The following TEX11 variants were observed in gnomAD, a reference collection of about 807,000 sequenced individuals.
The protein encoded by TEX11 is testis expressed 11, also known as testis-expressed protein 11.
A neutral mutation model predicts 84.4 loss-of-function variants in TEX11; 7 were observed. The ratio of observed to expected loss-of-function variants is 0.08; its 90% CI spans 0.05 to 0.16. The LOEUF (loss-of-function observed/expected upper bound fraction) is 0.16, where lower values mean the gene tolerates loss of function less well. TEX11 is among the 10% of genes least tolerant of loss of function. The pLI is 1.00. For missense variants in TEX11, 551 were observed against 660.5 expected, an observed-to-expected ratio of 0.83 and a Z score of 1.82; for synonymous variants, 264 against 222.8, an observed-to-expected ratio of 1.18 and a Z score of -1.64.
chrX:70,601,612 T>G (rs1407307941), intron 24 of TEX11, among the ~76,000 whole-genome samples: 1 of 87,091 alleles, frequency 1.1e-5, no homozygotes, highest in Non-Finnish European at 2.2e-5. Flanking sequence ...CATAGGACAA[T>G]AGTGGAGGGA....
At chrX:70,643,248 C>A (rs1364223715) in intron 17 of TEX11, among the ~76,000 whole-genome samples, 1 of 105,858 alleles carries the variant, frequency 9.4e-6, no homozygotes, top group Non-Finnish European at 1.9e-5. Flanking sequence ...GAACTACAAA[C>A]CGCTGCTCAA....
chrX:70,615,098 CAA>C (rs1376176659), intron 20 of TEX11, among the ~76,000 whole-genome samples: 2 of 110,532 alleles, frequency 1.8e-5, no homozygotes, highest in Non-Finnish European at 1.9e-5. Context: ...GCCCAGAATG[CAA>C]AGACTACAAT....
chrX:70,635,868 T>G (rs1216507109), intron 17 of TEX11, among the ~76,000 whole-genome samples: 1 of 110,939 alleles, frequency 9.0e-6, no homozygotes, highest in African/African-American at 3.3e-5. Context: ...CCTGCCCCAA[T>G]ACCAGATCTG....
At chrX:70,565,123 T>G (rs1488614264) in intron 25 of TEX11, among the ~76,000 whole-genome samples, 2 of 109,958 alleles carry the variant, frequency 1.8e-5, no homozygotes, top group Admixed American at 1.9e-4. Flanking sequence ...GGTATCTCAT[T>G]GTGGTTTTGA....
intron 9 of TEX11, among the ~76,000 whole-genome samples, chrX:70,781,285 A>G (rs1393674709): frequency 3.6e-5 from 4 of 112,021 alleles, no homozygotes; most frequent in Non-Finnish European, 7.5e-5. Context: ...CAAAAAGGAC[A>G]TCTACACCAA....
chrX:70,887,534 A>G (rs964193623), intron 2 of TEX11, among the ~76,000 whole-genome samples: 3 of 112,113 alleles, frequency 2.7e-5, no homozygotes, highest in African/African-American at 9.7e-5. Context: ...TGGGGGTTTC[A>G]ACACCAGCTC....
At chrX:70,518,859 A>G in the TEX11 span, among the ~76,000 whole-genome samples, 2 of 111,620 alleles carry the variant, frequency 1.8e-5, 1 homozygote, top group Middle Eastern at 9.3e-3. Flanking sequence ...TGATCCCTTT[A>G]CCATTATGTA....
chrX:70,632,533 T>A (rs191553279), intron 17 of TEX11, among the ~76,000 whole-genome samples: 1 of 110,763 alleles, frequency 9.0e-6, no homozygotes, highest in African/African-American at 3.3e-5. Context: ...AAACTGAGCC[T>A]GGGAGGCCAA....
intron 4 of TEX11, among the ~76,000 whole-genome samples, chrX:70,866,091 A>G (rs761925972): frequency 3.6e-5 from 4 of 111,717 alleles, no homozygotes; most frequent in African/African-American, 6.5e-5. Context: ...AAAAAAATCA[A>G]TGAATCCAGG....
the TEX11 span, among the ~76,000 whole-genome samples, chrX:70,520,395 G>T: frequency 8.9e-6 from 1 of 112,428 alleles, no homozygotes. Flanking sequence ...CAGGTCTGTT[G>T]GAGTTTGCTG....
At chrX:70,545,127 C>T (rs1357809870) in intron 28 of TEX11, among the ~76,000 whole-genome samples, 3 of 110,213 alleles carry the variant, frequency 2.7e-5, no homozygotes, top group African/African-American at 9.9e-5. Context: ...ACTGCTTGAA[C>T]CCGGGAGGCA....
intron 16 of TEX11, among the ~76,000 whole-genome samples, chrX:70,657,936 GA>G (rs1301692798): frequency 2.0e-5 from 1 of 51,034 alleles, no homozygotes; most frequent in African/African-American, 8.2e-5. Flanking sequence ...GGGGTGGGGG[GA>G]GGGGGGAGGG....
intron 13 of TEX11, among the ~76,000 whole-genome samples, chrX:70,711,238 G>C (rs758064409): frequency 2.7e-5 from 3 of 111,283 alleles, no homozygotes; most frequent in Non-Finnish European, 3.8e-5. Flanking sequence ...GAATAGTGCC[G>C]CAATAAACAT....
chrX:70,678,717 A>G (rs2090097655), intron 15 of TEX11, 87 bp downstream of exon 15: 1 of 710,701 alleles, frequency 1.4e-6, no homozygotes, highest in African/African-American at 2.2e-5. Flanking sequence ...TTATTGAAGT[A>G]TTTGATGCTC....
intron 7 of TEX11, among the ~76,000 whole-genome samples, chrX:70,844,499 A>G (rs2091467097): frequency 1.9e-5 from 2 of 105,235 alleles, no homozygotes. Context: ...ATTAGGGGAT[A>G]TACCTAATGC....
intron 13 of TEX11, among the ~76,000 whole-genome samples, chrX:70,715,693 T>A (rs1455797340): frequency 8.9e-6 from 1 of 111,854 alleles, no homozygotes; most frequent in Non-Finnish European, 1.9e-5. Flanking sequence ...GCCATTTGTC[T>A]AATCTTTTTT....
At chrX:70,713,769 G>A (rs2090465881) in intron 13 of TEX11, among the ~76,000 whole-genome samples, 1 of 111,203 alleles carries the variant, frequency 9.0e-6, no homozygotes, top group Non-Finnish European at 1.9e-5. Flanking sequence ...GTTTTTGAAG[G>A]CTTTTTTGTG....
intron 9 of TEX11, among the ~76,000 whole-genome samples, chrX:70,788,967 T>TAG (rs1352953855): frequency 1.1e-3 from 34 of 31,985 alleles, no homozygotes; most frequent in East Asian, 1.9e-3. Context: ...TATATATATA[T>TAG]ATATATAGAG....
chrX:70,883,327 TA>T (rs1313949637), intron 2 of TEX11, among the ~76,000 whole-genome samples: 1 of 111,405 alleles, frequency 9.0e-6, no homozygotes, highest in Non-Finnish European at 1.9e-5. Flanking sequence ...CTCGCGCTTG[TA>T]ATTCCAGCAA....
Sources: gnomAD v4.1 joint callset for allele counts (sites outside exome capture counted in the v4.1 genomes callset) on GRCh38, gnomAD v4.1.1 for gene constraint, MANE v1.5 for transcripts, NCBI Gene and HGNC (gene_info 2026-07-23, HGNC 2026-07-21) for gene names.